Variants in SLC24A3 observed in about 807,000 individuals in gnomAD.
The protein encoded by SLC24A3 is sodium/potassium/calcium exchanger 3.
In SLC24A3, 28 loss-of-function variants were observed where a neutral mutation model predicts 75.8. The observed-to-expected ratio is 0.37, with a 90% CI of 0.27 to 0.51. The LOEUF (loss-of-function observed/expected upper bound fraction) is 0.51. Among genes scored for constraint, SLC24A3 ranks in the 20% least tolerant of loss-of-function variants. The pLI is 0.94. For synonymous variants in SLC24A3, 372 were observed against 334.1 expected, an observed-to-expected ratio of 1.11 and a Z score of -1.24; for missense variants, 663 against 847.8, an observed-to-expected ratio of 0.78 and a Z score of 2.71.
At chr20:19,311,372 C>T (rs1057401159) in intron 2 of SLC24A3, among the ~76,000 whole-genome samples, 26 of 152,096 alleles carry the variant, frequency 1.7e-4, no homozygotes, top group African/African-American at 4.8e-4. Context: ...ACTCAACAGC[C>T]CCATGCTCCT....
chr20:19,587,447 A>G (rs1600291850), intron 6 of SLC24A3, among the ~76,000 whole-genome samples: 1 of 152,134 alleles, frequency 6.6e-6, no homozygotes, highest in Non-Finnish European at 1.5e-5. Flanking sequence ...TTGCTGGCTC[A>G]CCTCACAACC....
At chr20:19,542,527 T>C (rs900050980) in intron 3 of SLC24A3, among the ~76,000 whole-genome samples, 1 of 152,182 alleles carries the variant, frequency 6.6e-6, no homozygotes, top group Non-Finnish European at 1.5e-5. Context: ...AGATGAACAT[T>C]AGAGTATCAG....
intron 3 of SLC24A3, among the ~76,000 whole-genome samples, chr20:19,546,275 T>C (rs945632931): frequency 1.3e-5 from 2 of 149,506 alleles, no homozygotes; most frequent in Admixed American, 6.7e-5. Context: ...CTATAATGAG[T>C]CTTCATCCTC....
chr20:19,449,263 A>G (rs781311980), intron 2 of SLC24A3, among the ~76,000 whole-genome samples: 47 of 152,214 alleles, frequency 3.1e-4, no homozygotes, highest in Non-Finnish European at 6.0e-4. Context: ...GGGACTGAGC[A>G]GCTTTGCGAG....
chr20:19,421,920 G>A (rs1399681870), intron 2 of SLC24A3, among the ~76,000 whole-genome samples: 1 of 152,170 alleles, frequency 6.6e-6, no homozygotes, highest in African/African-American at 2.4e-5. Flanking sequence ...GCACCTGGCT[G>A]TCTCAATACA....
intron 1 of SLC24A3, among the ~76,000 whole-genome samples, chr20:19,216,217 A>G (rs1981548641): frequency 6.6e-6 from 1 of 152,170 alleles, no homozygotes; most frequent in Non-Finnish European, 1.5e-5. Flanking sequence ...TCCTTTTTGC[A>G]ATGAGAATAG....
chr20:19,636,143 AAAAGAAAG>A (rs10536182), intron 6 of SLC24A3, among the ~76,000 whole-genome samples: 6 of 151,168 alleles, frequency 4.0e-5, no homozygotes, highest in South Asian at 2.1e-4. Flanking sequence ...CCATCTCAAA[AAAAGAAAG>A]AAAGAAAGAA....
chr20:19,552,088 A>G (rs894406389), intron 3 of SLC24A3, among the ~76,000 whole-genome samples: 1 of 152,196 alleles, frequency 6.6e-6, no homozygotes, highest in African/African-American at 2.4e-5. Flanking sequence ...CCTTTAGGGA[A>G]ACTTTTTCCC....
chr20:19,542,245 T>G (rs1377257476), intron 3 of SLC24A3, among the ~76,000 whole-genome samples: 1 of 152,208 alleles, frequency 6.6e-6, no homozygotes, highest in African/African-American at 2.4e-5. Context: ...TGGGAGCTTG[T>G]GCATGCATAT....
rs1555807706 is a variant in SLC24A3 at position 19,696,015 on chromosome 20, C to CTTTTCTT, written c.1492-778_1492-777insCTTTTTT. On this transcript the variant is annotated intron_variant, in intron 13 of 16. Coordinates refer to ENST00000328041, the MANE Select transcript of SLC24A3 (RefSeq NM_020689.4). Reference sequence around the variant, plus strand: ...ATGGCTTTCCCCTTTTTTTCCTTTTCTTTTTTTTTTTTTTTTTTGTGAGAC... The same window carrying CTTTTCTT: ...ATGGCTTTCCCCTTTTTTTCCTTTTCTTTTCTTTTTTTTTTTTTTTTTTTTGTGAGAC... Among the ~76,000 whole-genome samples, 129 of 108,092 alleles carry CTTTTCTT rather than the reference C, an allele frequency of 1.2e-3. 2 individuals are homozygous for CTTTTCTT. Among genetic ancestry groups the CTTTTCTT allele is most frequent in the African/African-American group, 4.4e-3 (125 of 28,162 alleles). The allele number at this position is 108,092 out of a possible 152,430, so 70.9% of individuals were successfully genotyped here. A position where few individuals can be genotyped will look rare whatever the true frequency, so the allele number is the denominator to read the frequency against.
chr20:19,288,945 T>C (rs1983876943), intron 2 of SLC24A3, among the ~76,000 whole-genome samples: 1 of 152,230 alleles, frequency 6.6e-6, no homozygotes. Flanking sequence ...ACCACAGGGC[T>C]TGAAAAGCCT....
intron 6 of SLC24A3, among the ~76,000 whole-genome samples, chr20:19,627,474 T>C (rs1056095134): frequency 2.0e-5 from 3 of 152,240 alleles, no homozygotes; most frequent in Admixed American, 6.5e-5. Flanking sequence ...CATGGAAGTC[T>C]ACTTACACTT....
At chr20:19,716,752 G>A (rs190987278) in intron 15 of SLC24A3, among the ~76,000 whole-genome samples, 28 of 152,160 alleles carry the variant, frequency 1.8e-4, no homozygotes, top group Non-Finnish European at 4.1e-4. Flanking sequence ...GTGATGGTGT[G>A]TGCCTGTAGT....
intron 2 of SLC24A3, among the ~76,000 whole-genome samples, chr20:19,495,631 C>T (rs1435988123): frequency 1.3e-5 from 2 of 152,204 alleles, no homozygotes; most frequent in South Asian, 2.1e-4. Flanking sequence ...GTGGTCCATA[C>T]CTTTTGGGTG....
At chr20:19,623,940 G>GA (rs2031836580) in intron 6 of SLC24A3, among the ~76,000 whole-genome samples, 1 of 152,128 alleles carries the variant, frequency 6.6e-6, no homozygotes, top group African/African-American at 2.4e-5. Context: ...AGAAGAGGGG[G>GA]AATTGAAGAG....
chr20:19,364,874 G>GT (rs1568600383), intron 2 of SLC24A3, among the ~76,000 whole-genome samples: 1 of 152,134 alleles, frequency 6.6e-6, no homozygotes, highest in African/African-American at 2.4e-5. Context: ...CAAGAAACTA[G>GT]GCCCTACCAG....
At chr20:19,640,156 C>T (rs951802140) in intron 6 of SLC24A3, among the ~76,000 whole-genome samples, 10 of 152,232 alleles carry the variant, frequency 6.6e-5, no homozygotes, top group Non-Finnish European at 1.2e-4. Context: ...GCGCGGAGAG[C>T]GAGCGAGGGC....
chr20:19,396,038 C>G (rs1360350703), intron 2 of SLC24A3, among the ~76,000 whole-genome samples: 3 of 152,128 alleles, frequency 2.0e-5, no homozygotes, highest in Non-Finnish European at 4.4e-5. Flanking sequence ...ACAATGATTA[C>G]TAGGAATTAC....
chr20:19,509,559 A>C (rs1988506653), intron 2 of SLC24A3, among the ~76,000 whole-genome samples: 1 of 152,216 alleles, frequency 6.6e-6, no homozygotes, highest in Non-Finnish European at 1.5e-5. Flanking sequence ...CGCATGCCCC[A>C]CACACACCTG....
Sources: allele counts gnomAD v4.1 joint callset (sites outside exome capture counted in the v4.1 genomes callset), GRCh38; gene constraint gnomAD v4.1.1; transcripts MANE v1.5; gene names NCBI Gene and HGNC (gene_info 2026-07-23, HGNC 2026-07-21).